GSN: variants seen among roughly 807,000 people sequenced by gnomAD.
The protein encoded by GSN is gelsolin, also known as actin-depolymerizing factor.
Under a neutral mutation model 85.7 loss-of-function variants are expected in GSN, and 56 were observed. That is an observed-to-expected ratio of 0.65 (90% CI 0.53 to 0.82). The LOEUF (loss-of-function observed/expected upper bound fraction) is 0.82. Ranked by LOEUF, GSN falls within the 40% of genes least tolerant of loss-of-function variation. The pLI, the probability that GSN is intolerant of heterozygous loss-of-function variation, is 0.00. For missense variants in GSN, 857 were observed against 979.8 expected (o/e 0.87, Z 1.67); for synonymous variants, 373 against 399.1 (o/e 0.93, Z 0.78).
chr9:121,222,169 G>C (rs1182968643), intron 4 of GSN: 1 of 152,174 alleles, frequency 6.6e-6, no homozygotes, highest in Admixed American at 6.5e-5. Flanking sequence ...AAAGAAGAGA[G>C]TAACAGGCAA....
intron 4 of GSN, among the ~76,000 whole-genome samples, chr9:121,226,872 T>C (rs2054280121): frequency 6.6e-6 from 1 of 152,220 alleles, no homozygotes; most frequent in Non-Finnish European, 1.5e-5. Flanking sequence ...GGAGAAGGGC[T>C]GAAATGCAGT....
chr9:121,302,102 A>C lies in GSN; in HGVS notation c.131A>C (p.Tyr44Ser), dbSNP rs1399829665. The C allele has an allele frequency of 6.2e-7, 1 of 1,614,208 alleles. No individual in the cohort carries two copies. The highest frequency in any genetic ancestry group is 8.5e-7 in the Non-Finnish European group (1 of 1,179,990). Residue 44 changes from tyrosine to serine, a missense_variant, in exon 3 of 18, where the codon TAC (tyrosine) becomes TCC (serine). Coordinates refer to ENST00000432226, the MANE Select transcript of GSN (RefSeq NM_198252.3). Reference protein sequence around the residue: ...LYGDFFTGDAYVILKTVQLRN... With the variant: ...LYGDFFTGDASVILKTVQLRN... Reference sequence around the variant, plus strand: ...GGAGACTTCTTCACGGGCGACGCCTACGTCATCCTGAAGACAGTGCAGCTG... The same window carrying C: ...GGAGACTTCTTCACGGGCGACGCCTCCGTCATCCTGAAGACAGTGCAGCTG...
intron 2 of GSN, chr9:121,284,413 G>T (rs55716465): frequency 0.22 from 36,946 of 166,844 alleles, 4,757 homozygotes; most frequent in African/African-American, 0.37. Flanking sequence ...CTAAGCTGCT[G>T]CAGTGGAGAG....
chr9:121,241,450 A>G (rs774858139), intron 5 of GSN, among the ~76,000 whole-genome samples: 15 of 152,098 alleles, frequency 9.9e-5, no homozygotes, highest in Non-Finnish European at 1.8e-4. Flanking sequence ...ACTTCCCCAC[A>G]GGTTTTGATT....
At chr9:121,213,004 G>A (rs539866135) in intron 4 of GSN, among the ~76,000 whole-genome samples, 1 of 152,184 alleles carries the variant, frequency 6.6e-6, no homozygotes, top group East Asian at 1.9e-4. Context: ...AAGCTAAGGA[G>A]AAAAGGCAGC....
chr9:121,303,660 C>G (rs947117332), intron 4 of GSN, among the ~76,000 whole-genome samples: 1 of 152,196 alleles, frequency 6.6e-6, no homozygotes, highest in Non-Finnish European at 1.5e-5. Flanking sequence ...AGCCACTTGA[C>G]CTCCTTGAGC....
rs1589248643 is a variant in GSN, at chr9:121,329,354, G to C, written c.1965+39G>C. On this transcript the variant is annotated intron_variant, in intron 16 of 17. Transcript: ENST00000432226. The surrounding 1 kb of genome is among the most constrained non-coding windows in gnomAD (Gnocchi z 4.6). Reference sequence around the variant, plus strand: ...AGGTGAAGGCTCTCTGTGCCAGAGGGAGTGGGAGAAACTAGACTTCCAGTT... The same window carrying C: ...AGGTGAAGGCTCTCTGTGCCAGAGGCAGTGGGAGAAACTAGACTTCCAGTT... 2 of 1,198,898 alleles carry C rather than the reference G, an allele frequency of 1.7e-6. No individual in the cohort carries two copies. Among genetic ancestry groups the C allele is most frequent in the African/African-American group, 1.5e-5 (1 of 67,226 alleles). 74.3% of individuals were successfully genotyped at this position (1,198,898 alleles called of 1,614,324 possible).
At chr9:121,271,364 G>T (rs907702528) in intron 1 of GSN, among the ~76,000 whole-genome samples, 1 of 152,072 alleles carries the variant, frequency 6.6e-6, no homozygotes, top group African/African-American at 2.4e-5. Context: ...AACAAAAAAA[G>T]AAAAGACAAA....
chr9:121,302,288 C>G (rs902348287), intron 3 of GSN, 121 bp downstream of exon 3: 1 of 1,143,184 alleles, frequency 8.7e-7, no homozygotes, highest in African/African-American at 1.5e-5. Flanking sequence ...GGGCCCTTGA[C>G]TGGTGGTTCA....
chr9:121,259,532 G>A (rs2055036139), intron 6 of GSN, among the ~76,000 whole-genome samples: 1 of 152,152 alleles, frequency 6.6e-6, no homozygotes, highest in African/African-American at 2.4e-5. Context: ...AGGTTTTGGG[G>A]TGATACAAAG....
intron 6 of GSN, among the ~76,000 whole-genome samples, chr9:121,249,660 T>G (rs1379632888): frequency 6.6e-6 from 1 of 152,200 alleles, no homozygotes; most frequent in Admixed American, 6.5e-5. Flanking sequence ...GCAGCAATAT[T>G]TTTTTCCACT....
intron 2 of GSN, among the ~76,000 whole-genome samples, chr9:121,297,119 T>G (rs1192413893): frequency 1.3e-5 from 2 of 152,254 alleles, no homozygotes; most frequent in African/African-American, 4.8e-5. Context: ...TCCTACTTGT[T>G]TGAATTTTCC....
intron 4 of GSN, among the ~76,000 whole-genome samples, chr9:121,303,281 T>A (rs879733222): frequency 3.5e-4 from 54 of 152,310 alleles, no homozygotes; most frequent in Non-Finnish European, 1.3e-4. Flanking sequence ...TGGTTCCTTA[T>A]CTTAAAATGG....
chr9:121,223,604 T>C (rs2054213264), intron 4 of GSN, among the ~76,000 whole-genome samples: 1 of 152,168 alleles, frequency 6.6e-6, no homozygotes, highest in Non-Finnish European at 1.5e-5. Flanking sequence ...TTTATATAAG[T>C]ATTATGTCAC....
At chr9:121,247,962 A>G (rs2132227028) in intron 5 of GSN, among the ~76,000 whole-genome samples, 1 of 147,654 alleles carries the variant, frequency 6.8e-6, no homozygotes, top group Non-Finnish European at 1.5e-5. Flanking sequence ...TCTTCAGTTC[A>G]TTAGGAGAGT....
In GSN at chr9:121,293,113, G is replaced by A. The variant is rs114735419; in HGVS notation, c.-9-8850G>A. On this transcript the variant is annotated intron_variant, in intron 2 of 17. Transcript: ENST00000432226. ...ATGTGGCACCATCATCTGATGTGCT[G>A]CATCATTCATTGTCCCCATCGGGAA... 5.8e-3 allele frequency among the ~76,000 whole-genome samples: 891 copies of A among 152,318 alleles called. 12 individuals are homozygous for A. Among genetic ancestry groups the A allele is most frequent in the African/African-American group, 0.02 (842 of 41,564 alleles).
chr9:121,234,578 T>G (rs910459743), intron 5 of GSN, among the ~76,000 whole-genome samples: 1 of 152,104 alleles, frequency 6.6e-6, no homozygotes, highest in Non-Finnish European at 1.5e-5. Context: ...GTGAATTCCT[T>G]GATAAGAGGG....
upstream of GSN, among the ~76,000 whole-genome samples, chr9:121,205,057 T>G (rs2053860646): frequency 6.6e-6 from 1 of 152,178 alleles, no homozygotes; most frequent in Non-Finnish European, 1.5e-5. Flanking sequence ...CATTCTACAC[T>G]GAAAAAACTG....
intron 4 of GSN, chr9:121,309,177 G>A (rs1441788927): frequency 6.6e-6 from 1 of 152,270 alleles, no homozygotes; most frequent in African/African-American, 2.4e-5. Flanking sequence ...GTTTACCGTG[G>A]GTAAAGTGGG....
Sources: gnomAD v4.1 joint callset for allele counts (sites outside exome capture counted in the v4.1 genomes callset) on GRCh38, gnomAD v4.1.1 for gene constraint, Gnocchi (gnomAD v3.1) non-coding constraint, MANE v1.5 for transcripts, NCBI Gene and HGNC (gene_info 2026-07-23, HGNC 2026-07-21) for gene names.